ISOC2: variants seen among roughly 807,000 people sequenced by gnomAD.
The protein encoded by ISOC2 is isochorismatase domain containing 2.
A neutral mutation model predicts 19.3 loss-of-function variants in ISOC2; 15 were observed. That is an observed-to-expected ratio of 0.78 (90% CI 0.52 to 1.20). The LOEUF is 1.20. Among genes scored for constraint, ISOC2 ranks in the 50% most tolerant of loss-of-function variants. The probability of loss-of-function intolerance (pLI) is 0.00; values close to 1 mark genes in which losing one functional copy is unlikely to be tolerated. For missense variants in ISOC2, 285 were observed against 272.4 expected (o/e 1.05, Z -0.33); for synonymous variants, 106 against 115.8 (o/e 0.92, Z 0.54).
Position 55,453,352 on chromosome 19 carries a change from C to T in ISOC2, c.574G>A (p.Gly192Arg). The T allele has an allele frequency of 6.2e-7, 1 of 1,607,832 alleles. No individual in the cohort carries two copies. The highest frequency in any genetic ancestry group is 8.5e-7 in the Non-Finnish European group (1 of 1,177,300). Residue 192 changes from glycine (G) to arginine (R), a missense_variant, in exon 6 of 6, where the codon GGA becomes AGA. Transcript: ENST00000425675. ...KLIKEPAPDS[G>R]LLGLFQGQNS... ...TGGCCTTGGAAGAGGCCCAGCAGTC[C>T]GCTGTCTGGGGCGGGCTCCTTGATG...
chr19:55,455,122 AG>A lies in ISOC2; in HGVS notation c.420-17del. 1.8e-6 allele frequency: 1 copy of A among 568,520 alleles called. No homozygotes were observed. The highest frequency in any genetic ancestry group is 3.4e-6 in the Non-Finnish European group (1 of 294,692). 35.2% of individuals were successfully genotyped at this position (568,520 alleles called of 1,614,324 possible). A position where few individuals can be genotyped will look rare whatever the true frequency, so the allele number is the denominator to read the frequency against. ...GTCCACCTGGCTGTGAGTGGGAGGG[AG>A]GGAGGGAAGGTTGGTGTGGACGCCG... is the stretch of plus-strand genomic sequence containing the variant. On this transcript the variant is annotated splice_polypyrimidine_tract_variant and intron_variant, in intron 4 of 5. Transcript: ENST00000425675.
At position 55,456,385 on chromosome 19, in the gene ISOC2, G is replaced by T; in HGVS notation, c.102C>A (p.Phe34Leu). The T allele has an allele frequency of 6.2e-7, 1 of 1,613,978 alleles. No homozygotes were observed. The highest frequency in any genetic ancestry group is 8.5e-7 in the Non-Finnish European group (1 of 1,179,916). The change falls in exon 2 of 6, where the codon TTC becomes TTA. Residue 34 changes from phenylalanine (F) to leucine (L), a missense_variant. Physicochemically the swap from Phe to Leu is conservative, Grantham distance 22. Coordinates refer to ENST00000425675, the MANE Select transcript of ISOC2 (RefSeq NM_001136201.2). ...QEKFRHNIAY[F>L]PQIVSVAARM... ...GGGCAGCCACTGAGACGATCTGTGG[G>T]AAGTAGGCGATGTTGTGGCGGAACT...
At position 55,453,214 on chromosome 19, in the gene ISOC2, C is replaced by G; in HGVS notation, c.*94G>C. The G allele has an allele frequency of 1.2e-6, 1 of 862,180 alleles. No homozygotes were observed. The highest frequency in any genetic ancestry group is 1.8e-6 in the Non-Finnish European group (1 of 570,794). 53.4% of individuals were successfully genotyped at this position (862,180 alleles called of 1,614,324 possible). A position where few individuals can be genotyped will look rare whatever the true frequency, so the allele number is the denominator to read the frequency against. On this transcript the variant is annotated 3_prime_UTR_variant, in exon 6 of 6. Coordinates refer to ENST00000425675, the MANE Select transcript of ISOC2 (RefSeq NM_001136201.2). Reference sequence around the variant, plus strand: ...CAAGGGGGCGGCACTCCTGGTGGATCGCACCACTCTTGGGATCCAGGGATG... The same window carrying G: ...CAAGGGGGCGGCACTCCTGGTGGATGGCACCACTCTTGGGATCCAGGGATG...
intron 2 of ISOC2, 26 bp downstream of exon 2, chr19:55,456,323 C>T: frequency 6.2e-7 from 1 of 1,607,990 alleles, no homozygotes; most frequent in African/African-American, 1.3e-5. Flanking sequence ...GATCCTGGGT[C>T]TGAGGGTGGG....
intron 1 of ISOC2, among the ~76,000 whole-genome samples, chr19:55,458,753 C>T (rs983369413): frequency 2.0e-5 from 3 of 151,810 alleles, no homozygotes; most frequent in Non-Finnish European, 4.4e-5. Flanking sequence ...GTCTTGAACT[C>T]CTGACCTCGT....
intron 1 of ISOC2, 138 bp from the exon 2 acceptor site, chr19:55,456,627 G>T: frequency 9.2e-7 from 1 of 1,089,100 alleles, no homozygotes; most frequent in Non-Finnish European, 1.3e-6. Flanking sequence ...CAAGGTCTCT[G>T]TGTCTGCTGT....
chr19:55,455,575 C>T, intron 3 of ISOC2, 61 bp downstream of exon 3: 1 of 1,392,762 alleles, frequency 7.2e-7, no homozygotes, highest in East Asian at 2.4e-5. Context: ...GAAGGAGGTT[C>T]TATTTAGGAT....
chr19:55,456,115 ACGCC>A lies in ISOC2; in HGVS notation c.138+230_138+233del, dbSNP rs879385938. 4.2e-4 allele frequency: 249 copies of A among 588,138 alleles called. 1 individual carries two copies. The highest frequency in any genetic ancestry group is 8.1e-4 in the Admixed American group (26 of 32,244). 36.4% of individuals were successfully genotyped at this position (588,138 alleles called of 1,614,324 possible). On this transcript the variant is annotated intron_variant, in intron 2 of 5. Transcript: ENST00000425675. ...CTGAAGGAAGAGGAGTTGGGCCTGG[ACGCC>A]TGGGTCTGAGGGTGGAGGGCTGAGC...
intron 1 of ISOC2, chr19:55,459,774 G>T (rs933277008): frequency 6.6e-6 from 1 of 151,502 alleles, no homozygotes; most frequent in Non-Finnish European, 1.5e-5. Context: ...TGGACACCCG[G>T]GCCCCAAGGG....
chr19:55,454,896 G>T, intron 5 of ISOC2, 93 bp downstream of exon 5: 1 of 942,422 alleles, frequency 1.1e-6, no homozygotes, highest in Non-Finnish European at 1.7e-6. Flanking sequence ...CCCTGGAGGC[G>T]GCAGCCTGCT....
rs915402767 is a variant in ISOC2 at position 55,454,990 on chromosome 19, T to G, written c.536A>C (p.Glu179Ala). 3.7e-6 allele frequency: 6 copies of G among 1,610,660 alleles called. No homozygotes were observed. Among genetic ancestry groups the G allele is most frequent in the Non-Finnish European group, 3.4e-6 (4 of 1,177,544 alleles). ...VGDAVHPQFKEIQKLIKEPAP... is the reference protein window; with the variant it reads ...VGDAVHPQFKAIQKLIKEPAP... ...TGGGGGCGGCCAGGCGGGCATTACC[T>G]CCTTGAACTGGGGGTGGACGGCATC... The change falls in exon 5 of 6, where the codon GAG becomes GCG. Residue 179 changes from glutamate (E) to alanine (A), a missense_variant and splice_region_variant. Glu to Ala is a moderately radical substitution (Grantham distance 107, BLOSUM62 -1). Transcript: ENST00000425675.
At chr19:55,458,740 C>G (rs971370464) in intron 1 of ISOC2, among the ~76,000 whole-genome samples, 2 of 151,792 alleles carry the variant, frequency 1.3e-5, no homozygotes, top group Non-Finnish European at 2.9e-5. Flanking sequence ...GTTGGCCAGG[C>G]TGGTCTTGAA....
Position 55,455,101 on chromosome 19 carries a change from A to C in ISOC2, c.425T>G (p.Val142Gly), listed in dbSNP as rs1743427975. The change falls in exon 5 of 6, where the codon GTG (valine) becomes GGG (glycine). Residue 142 changes from valine to glycine, a missense_variant. Physicochemically the swap from Val to Gly is moderately radical, Grantham distance 109. Coordinates refer to ENST00000425675, the MANE Select transcript of ISOC2 (RefSeq NM_001136201.2). The part of the protein sequence containing the change: ...VVDACSSRSQ[V>G]DRLVALARMR... ...GCGGGCCAGAGCCACCAGCCGGTCC[A>C]CCTGGCTGTGAGTGGGAGGGAGGGA... 1 of 1,206,832 alleles carries C rather than the reference A, an allele frequency of 8.3e-7. No individual in the cohort carries two copies. The highest frequency in any genetic ancestry group is 1.2e-6 in the Non-Finnish European group (1 of 847,628). 74.8% of individuals were successfully genotyped at this position (1,206,832 alleles called of 1,614,324 possible).
At position 55,453,408 on chromosome 19, in the gene ISOC2, T is replaced by TG. The variant is rs753194966; in HGVS notation, c.538-21dup. The TG allele has an allele frequency of 6.3e-7, 1 of 1,578,412 alleles. No individual in the cohort carries two copies. Among genetic ancestry groups the TG allele is most frequent in the Non-Finnish European group, 8.6e-7 (1 of 1,161,226 alleles). ...CTGGATCTGTAAGGGCAGGGGGCGA[T>TG]GGGTCAGGAAGCGTCTAGGGTCCCG... On this transcript the variant is annotated intron_variant, in intron 5 of 5. Coordinates refer to ENST00000425675, the MANE Select transcript of ISOC2 (RefSeq NM_001136201.2).
At position 55,453,208 on chromosome 19, in the gene ISOC2, G is replaced by C. The variant is rs961760511; in HGVS notation, c.*100C>G. On this transcript the variant is annotated 3_prime_UTR_variant, in exon 6 of 6. Coordinates refer to ENST00000425675, the MANE Select transcript of ISOC2 (RefSeq NM_001136201.2). ...CCCCCACAAGGGGGCGGCACTCCTG[G>C]TGGATCGCACCACTCTTGGGATCCA... is the stretch of plus-strand genomic sequence containing the variant. 1.2e-6 allele frequency: 1 copy of C among 806,082 alleles called. No individual in the cohort carries two copies. The highest frequency in any genetic ancestry group is 1.9e-6 in the Non-Finnish European group (1 of 524,676). The allele number at this position is 806,082 out of a possible 1,614,324, so 49.9% of individuals were successfully genotyped here.
intron 1 of ISOC2, among the ~76,000 whole-genome samples, chr19:55,458,719 G>C (rs1361498338): frequency 1.3e-5 from 2 of 151,552 alleles, no homozygotes; most frequent in Non-Finnish European, 2.9e-5. Context: ...GTAGAGATGG[G>C]GTTTCACCAT....
At chr19:55,455,538 G>T in intron 3 of ISOC2, 98 bp downstream of exon 3, 1 of 1,159,722 alleles carries the variant, frequency 8.6e-7, no homozygotes, top group Non-Finnish European at 1.2e-6. Context: ...TGGGGGTCCT[G>T]CAGGGAAGTG....
chr19:55,456,280 G>A, intron 2 of ISOC2, 69 bp downstream of exon 2: 2 of 734,648 alleles, frequency 2.7e-6, no homozygotes, highest in Non-Finnish European at 4.6e-6. Flanking sequence ...GCTGAGCCTG[G>A]ATCCTGGGTC....
At position 55,457,813 on chromosome 19, in the gene ISOC2, A is replaced by G. The variant is rs1986108805; in HGVS notation, c.-3-1324T>C. On this transcript the variant is annotated intron_variant, in intron 1 of 5. Coordinates refer to ENST00000425675, the MANE Select transcript of ISOC2 (RefSeq NM_001136201.2). ...CCACTGCCAGTCCAGCCTGGACAATAAGAGCAAAACTCCATCTCAAAAAAA... is the reference window on the plus strand; with the variant it reads ...CCACTGCCAGTCCAGCCTGGACAATGAGAGCAAAACTCCATCTCAAAAAAA... 3.4e-5 allele frequency among the ~76,000 whole-genome samples: 5 copies of G among 146,612 alleles called. No individual in the cohort carries two copies. The South Asian group carries it at 1.1e-3, about 32-fold the overall frequency.
Sources: allele counts gnomAD v4.1 joint callset (sites outside exome capture counted in the v4.1 genomes callset), GRCh38; gene constraint gnomAD v4.1.1; transcripts MANE v1.5; gene names NCBI Gene and HGNC (gene_info 2026-07-23, HGNC 2026-07-21).